Variants in RIN2 observed in about 807,000 individuals in gnomAD.
The protein encoded by RIN2 is RAB5 interacting protein 2.
A neutral mutation model predicts 78.0 loss-of-function variants in RIN2; 36 were observed. The observed-to-expected ratio is 0.46, with a 90% CI of 0.35 to 0.61. RIN2 has a LOEUF of 0.61. Among genes scored for constraint, RIN2 ranks in the 20% least tolerant of loss-of-function variants. The probability of loss-of-function intolerance (pLI) is 0.00; values close to 1 mark genes in which losing one functional copy is unlikely to be tolerated. For missense variants in RIN2, 1,087 were observed against 1,159.7 expected (o/e 0.94, Z 0.91); for synonymous variants, 466 against 466.8 (o/e 1.00, Z 0.02).
rs767676797 is a variant in RIN2 at position 19,996,343 on chromosome 20, CA to C, written c.2201-328del. On this transcript the variant is annotated intron_variant, in intron 11 of 12. Transcript: ENST00000255006. Reference sequence around the variant, plus strand: ...ACAAACAAACAAAAAAACAAACAAACAAAAAAAACACTTTAGTGGCTTGGTC... The same window carrying C: ...ACAAACAAACAAAAAAACAAACAAACAAAAAAACACTTTAGTGGCTTGGTC... Among the ~76,000 whole-genome samples, 198 of 151,780 alleles carry C rather than the reference CA, an allele frequency of 1.3e-3. 1 individual carries two copies. The highest frequency in any genetic ancestry group is 2.3e-3 in the Non-Finnish European group (158 of 67,856).
At chr20:19,911,043 T>C (rs910088248) in intron 3 of RIN2, among the ~76,000 whole-genome samples, 3 of 146,490 alleles carry the variant, frequency 2.0e-5, no homozygotes, top group African/African-American at 7.9e-5. Flanking sequence ...TGCAGAATTA[T>C]ATAAATATGT....
At chr20:19,763,745 C>T (rs962039666) in intron 1 of RIN2, among the ~76,000 whole-genome samples, 3 of 152,170 alleles carry the variant, frequency 2.0e-5, no homozygotes, top group African/African-American at 4.8e-5. Flanking sequence ...CCATTACTAA[C>T]GTTGAATGAT....
At chr20:19,993,536 A>G (rs1408384245) in intron 11 of RIN2, among the ~76,000 whole-genome samples, 1 of 151,976 alleles carries the variant, frequency 6.6e-6, no homozygotes, top group African/African-American at 2.4e-5. Context: ...CTGACTCAGG[A>G]TGGGGGATGA....
chr20:19,835,014 AAGAG>A (rs1035859525), intron 2 of RIN2, among the ~76,000 whole-genome samples: 9 of 151,978 alleles, frequency 5.9e-5, no homozygotes, highest in East Asian at 1.9e-4. Context: ...GAGAAAGAAA[AAGAG>A]AGAGAGAAAA....
chr20:19,877,960 C>T (rs2037908630), intron 2 of RIN2, among the ~76,000 whole-genome samples: 1 of 152,116 alleles, frequency 6.6e-6, no homozygotes, highest in African/African-American at 2.4e-5. Context: ...GTTGAGGCTG[C>T]AGTAAGCCAT....
At chr20:19,990,776 T>C (rs2042774989) in intron 10 of RIN2, among the ~76,000 whole-genome samples, 4 of 152,178 alleles carry the variant, frequency 2.6e-5, no homozygotes, top group African/African-American at 9.7e-5. Context: ...GCGATTATCA[T>C]TACAACATTT....
chr20:19,981,283 G>A (rs1446469189), intron 9 of RIN2, among the ~76,000 whole-genome samples: 1 of 152,166 alleles, frequency 6.6e-6, no homozygotes, highest in Non-Finnish European at 1.5e-5. Context: ...CCTCAGAGGT[G>A]AAGGCACATC....
At chr20:19,787,640 G>A (rs1437509987) in intron 1 of RIN2, among the ~76,000 whole-genome samples, 3 of 152,186 alleles carry the variant, frequency 2.0e-5, no homozygotes, top group South Asian at 2.1e-4. Flanking sequence ...TGTTATGAAG[G>A]TTATGGCAAG....
chr20:19,933,252 AGGT>A (rs2040506071), intron 3 of RIN2, among the ~76,000 whole-genome samples: 1 of 152,208 alleles, frequency 6.6e-6, no homozygotes. Context: ...GGAAGACTCA[AGGT>A]GGTGAATACC....
chr20:19,923,515 CA>C (rs1390774078), intron 3 of RIN2, among the ~76,000 whole-genome samples: 6 of 149,876 alleles, frequency 4.0e-5, no homozygotes, highest in African/African-American at 1.5e-4. Context: ...GTGTGGTTCA[CA>C]CCTGTAATCC....
chr20:19,767,314 C>G (rs151155588), intron 1 of RIN2, among the ~76,000 whole-genome samples: 1 of 152,190 alleles, frequency 6.6e-6, no homozygotes, highest in South Asian at 2.1e-4. Context: ...GGAGCTGACC[C>G]TCTCCGGAAT....
intron 2 of RIN2, among the ~76,000 whole-genome samples, chr20:19,882,680 G>A (rs1354978705): frequency 6.6e-6 from 1 of 152,192 alleles, no homozygotes; most frequent in Non-Finnish European, 1.5e-5. Flanking sequence ...GCACACATAT[G>A]TTGTGTGACC....
At chr20:19,796,301 G>C (rs1430690639) in intron 1 of RIN2, among the ~76,000 whole-genome samples, 1 of 152,164 alleles carries the variant, frequency 6.6e-6, no homozygotes, top group Non-Finnish European at 1.5e-5. Context: ...AATCCAGTAT[G>C]TTTTTATATC....
At chr20:19,795,309 A>G (rs1025574213) in intron 1 of RIN2, among the ~76,000 whole-genome samples, 2 of 152,218 alleles carry the variant, frequency 1.3e-5, no homozygotes, top group Non-Finnish European at 1.5e-5. Flanking sequence ...GTCGTAGCAT[A>G]TGTCATACAT....
intron 1 of RIN2, among the ~76,000 whole-genome samples, chr20:19,792,876 A>T (rs1429601692): frequency 6.6e-6 from 1 of 152,088 alleles, no homozygotes; most frequent in Non-Finnish European, 1.5e-5. Flanking sequence ...GGATCTTAAA[A>T]GTTTGGCAGG....
At chr20:19,947,506 CAG>C (rs1164019727) in intron 4 of RIN2, among the ~76,000 whole-genome samples, 1 of 152,094 alleles carries the variant, frequency 6.6e-6, no homozygotes, top group Non-Finnish European at 1.5e-5. Flanking sequence ...ATAATTTAGT[CAG>C]AGTCAAAAGT....
rs189636981 is a variant in RIN2 at position 19,990,072 on chromosome 20, T to G, written c.1829T>G (p.Met610Arg). 1.5e-5 allele frequency: 24 copies of G among 1,599,110 alleles called. No homozygotes were observed. In the African/African-American group the frequency reaches 2.7e-4, roughly 18 times the overall value. ...CCCCTCAAGGGGCACGTGGAGGCCA[T>G]GCTGAAGGACTTTCACATGGCCGAT... ...LKPLKGHVEA[M>R]LKDFHMADGS... Residue 610 changes from methionine to arginine, a missense_variant, in exon 10 of 13, where the codon ATG becomes AGG. By Grantham distance (91) the Met-to-Arg change is moderately conservative (BLOSUM62 -1). Coordinates refer to ENST00000255006, the MANE Select transcript of RIN2 (RefSeq NM_018993.4).
chr20:19,781,651 C>A (rs2034510467), intron 1 of RIN2, among the ~76,000 whole-genome samples: 1 of 152,222 alleles, frequency 6.6e-6, no homozygotes, highest in African/African-American at 2.4e-5. Context: ...TGGTCTCAAA[C>A]TCTGGACCTC....
chr20:19,790,562 TAGG>T (rs1258705867), intron 1 of RIN2, among the ~76,000 whole-genome samples: 1 of 152,150 alleles, frequency 6.6e-6, no homozygotes, highest in Non-Finnish European at 1.5e-5. Flanking sequence ...GAGGCTGAGG[TAGG>T]AGGATGACAT....
Sources: gnomAD v4.1 joint callset for allele counts (sites outside exome capture counted in the v4.1 genomes callset) on GRCh38, gnomAD v4.1.1 for gene constraint, MANE v1.5 for transcripts, NCBI Gene and HGNC (gene_info 2026-07-23, HGNC 2026-07-21) for gene names.